Variants in MAIP1 observed in about 807,000 individuals in gnomAD.
The protein encoded by MAIP1 is matrix AAA peptidase interacting protein 1, also known as m-AAA protease-interacting protein 1, mitochondrial.
Under a neutral mutation model 31.2 loss-of-function variants are expected in MAIP1, and 28 were observed. That is an observed-to-expected ratio of 0.90 (90% confidence interval 0.67 to 1.23). The LOEUF (loss-of-function observed/expected upper bound fraction) is 1.23. Among genes scored for constraint, MAIP1 ranks in the 50% most tolerant of loss-of-function variants. The pLI is 0.00. For synonymous variants in MAIP1, 142 were observed against 142.3 expected (o/e 1.00, Z 0.02); for missense variants, 339 against 356.0 (o/e 0.95, Z 0.38).
chr2:199,957,535 A>G (rs1041037632), intron 1 of MAIP1, among the ~76,000 whole-genome samples: 2 of 152,230 alleles, frequency 1.3e-5, no homozygotes, highest in Non-Finnish European at 2.9e-5. Flanking sequence ...TTTTACTCCA[A>G]ATTTATTTCA....
chr2:199,961,647 C>T, intron 3 of MAIP1, 134 bp from the exon 4 acceptor site: 1 of 676,364 alleles, frequency 1.5e-6, no homozygotes, highest in Non-Finnish European at 2.4e-6. Context: ...TATTTTAAGT[C>T]ACATCAGAAT....
In MAIP1 at chr2:199,956,240, G is replaced by A. The variant is rs139414213; in HGVS notation, c.442G>A (p.Ala148Thr). ...CAGCATCACAGAGTTCTCCGAGGGA[G>A]CGAAGCAGGTTTGTTTATTTCCCTG... ...EFSITEFSEG[A>T]KQAFAHVSKL... is the part of the protein sequence containing the mutation. The change falls in exon 1 of 5, where the codon GCG becomes ACG. Residue 148 changes from alanine to threonine, a missense_variant. Coordinates refer to ENST00000392290, the MANE Select transcript of MAIP1 (RefSeq NM_001394955.1). 20 of 1,610,184 alleles carry A rather than the reference G, an allele frequency of 1.2e-5. No individual in the cohort carries two copies. Among genetic ancestry groups the A allele is most frequent in the Non-Finnish European group, 1.6e-5 (19 of 1,177,792 alleles).
At chr2:199,961,756 T>A (rs2077637907) in intron 3 of MAIP1, 25 bp from the exon 4 acceptor site, 2 of 1,588,264 alleles carry the variant, frequency 1.3e-6, no homozygotes, top group Non-Finnish European at 1.7e-6. Context: ...TGTATTCGTA[T>A]GTGTGTATAT....
At chr2:199,959,466 C>G in intron 2 of MAIP1, 127 bp downstream of exon 2, 1 of 669,962 alleles carries the variant, frequency 1.5e-6, no homozygotes. Context: ...GTCTGTGTAT[C>G]TGTTCTTATG....
intron 4 of MAIP1, among the ~76,000 whole-genome samples, chr2:199,962,451 C>G (rs1057313329): frequency 1.3e-5 from 2 of 152,086 alleles, no homozygotes; most frequent in Non-Finnish European, 2.9e-5. Flanking sequence ...TGGTTGAATT[C>G]TAGGAGGCAG....
chr2:199,960,823 A>G (rs144034855), intron 3 of MAIP1, among the ~76,000 whole-genome samples: 31 of 152,328 alleles, frequency 2.0e-4, no homozygotes, highest in Non-Finnish European at 3.2e-4. Context: ...CAGGAAATGG[A>G]GCCTCTGCTT....
rs1218294271 is a variant in MAIP1 at position 199,955,627 on chromosome 2, G to T, written c.-172G>T. ...CCGAGCGCGGGGCGGGTTGCCGAAG[G>T]GCCTCGGCCTGGGCTGCGTGCTGGA... On this transcript the variant is annotated 5_prime_UTR_variant, in exon 1 of 5. Coordinates refer to ENST00000392290, the MANE Select transcript of MAIP1 (RefSeq NM_001394955.1). The T allele has an allele frequency of 1.7e-6, 2 of 1,177,162 alleles. No homozygotes were observed. The highest frequency in any genetic ancestry group is 2.3e-6 in the Non-Finnish European group (2 of 852,102). 72.9% of individuals were successfully genotyped at this position (1,177,162 alleles called of 1,614,324 possible).
chr2:199,957,584 C>G (rs16832105), intron 1 of MAIP1, among the ~76,000 whole-genome samples: 21,060 of 152,090 alleles, frequency 0.14, 1,752 homozygotes, highest in Middle Eastern at 0.23. Context: ...ATTTATAAGA[C>G]CAATCAGTTG....
chr2:199,959,642 G>A (rs2077625684), intron 2 of MAIP1, 112 bp from the exon 3 acceptor site: 1 of 862,496 alleles, frequency 1.2e-6, no homozygotes, highest in African/African-American at 1.7e-5. Flanking sequence ...AGTAAATACG[G>A]TAGTAAATTT....
intron 4 of MAIP1, among the ~76,000 whole-genome samples, chr2:199,962,290 G>A (rs2077641019): frequency 6.6e-6 from 1 of 152,160 alleles, no homozygotes; most frequent in Non-Finnish European, 1.5e-5. Flanking sequence ...CGAGTGGCAG[G>A]AGCTGGAGGA....
At chr2:199,961,094 G>A (rs1307909922) in intron 3 of MAIP1, among the ~76,000 whole-genome samples, 1 of 152,112 alleles carries the variant, frequency 6.6e-6, no homozygotes, top group Non-Finnish European at 1.5e-5. Flanking sequence ...GATAGTTACT[G>A]AGCAGCAAAA....
intron 2 of MAIP1, 30 bp downstream of exon 2, chr2:199,959,369 A>G: frequency 1.7e-6 from 2 of 1,187,726 alleles, no homozygotes; most frequent in Non-Finnish European, 2.5e-6. Context: ...TTGCTTTAAA[A>G]ATAAATGCTA....
chr2:199,958,266 TAA>T (rs2077618496), intron 1 of MAIP1, among the ~76,000 whole-genome samples: 1 of 152,190 alleles, frequency 6.6e-6, no homozygotes, highest in Admixed American at 6.5e-5. Context: ...GCTCCTCTTA[TAA>T]GGATGCCAGT....
chr2:199,961,450 T>C (rs1192157410), intron 3 of MAIP1, among the ~76,000 whole-genome samples: 2 of 151,664 alleles, frequency 1.3e-5, no homozygotes, highest in African/African-American at 4.8e-5. Context: ...GGTGACAGAG[T>C]GAGACTCTGT....
chr2:199,956,350 C>T (rs2077604322), intron 1 of MAIP1, 102 bp downstream of exon 1: 2 of 931,102 alleles, frequency 2.1e-6, no homozygotes, highest in South Asian at 3.1e-5. Context: ...TACAAGTGAT[C>T]AAACGTGATT....
At position 199,956,004 on chromosome 2, in the gene MAIP1, A is replaced by T. The variant is rs376647442; in HGVS notation, c.206A>T (p.Gln69Leu). 1.8e-5 allele frequency: 29 copies of T among 1,610,846 alleles called. No individual in the cohort carries two copies. The highest frequency in any genetic ancestry group is 2.5e-5 in the Non-Finnish European group (29 of 1,178,708). Reference sequence around the variant, plus strand: ...TTGGCAGCCTCGGCGCTACCTGCCCAGGGCTCCCGGTGGCCAGTGCTCAGC... The same window carrying T: ...TTGGCAGCCTCGGCGCTACCTGCCCTGGGCTCCCGGTGGCCAGTGCTCAGC... ...RALAASALPA[Q>L]GSRWPVLSSP... The change falls in exon 1 of 5, where the codon CAG becomes CTG. Residue 69 changes from glutamine (Q) to leucine (L), a missense_variant. By Grantham distance (113) the Gln-to-Leu change is moderately radical (BLOSUM62 -2). Coordinates refer to ENST00000392290, the MANE Select transcript of MAIP1 (RefSeq NM_001394955.1).
In MAIP1 at chr2:199,956,231, T is replaced by G; in HGVS notation, c.433T>G (p.Ser145Ala). The change falls in exon 1 of 5, where the codon TCC (serine) becomes GCC (alanine). Residue 145 changes from serine (S) to alanine (A), a missense_variant. By Grantham distance (99) the Ser-to-Ala change is moderately conservative. Coordinates refer to ENST00000392290, the MANE Select transcript of MAIP1 (RefSeq NM_001394955.1). ...CAAAGAGTTCAGCATCACAGAGTTC[T>G]CCGAGGGAGCGAAGCAGGTTTGTTT... The part of the protein sequence containing the change: ...FDKEFSITEF[S>A]EGAKQAFAHV... The G allele has an allele frequency of 6.2e-7, 1 of 1,612,306 alleles. No individual in the cohort carries two copies. The highest frequency in any genetic ancestry group is 8.5e-7 in the Non-Finnish European group (1 of 1,178,840).
rs966187152 is a variant in MAIP1, at chr2:199,956,358, A to G, written c.450+110A>G. On this transcript the variant is annotated intron_variant, in intron 1 of 4. Transcript: ENST00000392290. ...ACTGGGATACAAGTGATCAAACGTG[A>G]TTAGTGGCCCAGACATAGAGCCTTC... 1.9e-5 allele frequency: 17 copies of G among 882,166 alleles called. No homozygotes were observed. In the African/African-American group the frequency reaches 2.5e-4, roughly 13 times the overall value. 54.6% of individuals were successfully genotyped at this position (882,166 alleles called of 1,614,324 possible).
rs1477772189 is a variant in MAIP1 at position 199,955,707 on chromosome 2, T to A, written c.-92T>A. 7.6e-7 allele frequency: 1 copy of A among 1,311,264 alleles called. No homozygotes were observed. Among genetic ancestry groups the A allele is most frequent in the East Asian group, 2.3e-5 (1 of 42,698 alleles). The allele number at this position is 1,311,264 out of a possible 1,614,324, so 81.2% of individuals were successfully genotyped here. On this transcript the variant is annotated 5_prime_UTR_variant, in exon 1 of 5. Transcript: ENST00000392290. ...CTGCAGCAACAGGTCCACTTTGCTC[T>A]CCAGTCTCTTTCTCCGACACCGCTG...
Sources: gnomAD v4.1 joint callset for allele counts (sites outside exome capture counted in the v4.1 genomes callset) on GRCh38, gnomAD v4.1.1 for gene constraint, MANE v1.5 for transcripts, NCBI Gene and HGNC (gene_info 2026-07-23, HGNC 2026-07-21) for gene names.